The following HS6ST3 variants were observed in gnomAD, a reference collection of about 807,000 sequenced individuals.
HS6ST3 encodes heparan-sulfate 6-O-sulfotransferase 3.
In HS6ST3, 12 loss-of-function variants were observed where a neutral mutation model predicts 36.7. The ratio of observed to expected loss-of-function variants is 0.33; its 90% confidence interval spans 0.21 to 0.53. The LOEUF (loss-of-function observed/expected upper bound fraction) is 0.53. HS6ST3 is among the 20% of genes least tolerant of loss of function. The pLI, the probability that HS6ST3 is intolerant of heterozygous loss-of-function variation, is 0.95. For missense variants in HS6ST3, 584 were observed against 640.9 expected (o/e 0.91, Z 0.96); for synonymous variants, 240 against 257.5 (o/e 0.93, Z 0.65).
At chr13:96,356,062 A>G (rs1190897262) in intron 1 of HS6ST3, among the ~76,000 whole-genome samples, 1 of 152,204 alleles carries the variant, frequency 6.6e-6, no homozygotes, top group Non-Finnish European at 1.5e-5. Flanking sequence ...CAATTCAGCC[A>G]CATATTCAGG....
intron 1 of HS6ST3, among the ~76,000 whole-genome samples, chr13:96,502,995 G>A (rs2138914263): frequency 6.6e-6 from 1 of 152,266 alleles, no homozygotes; most frequent in Middle Eastern, 3.4e-3. Context: ...TACAACTGGA[G>A]TGTAACTTCA....
chr13:96,171,894 C>T (rs2054189375), intron 1 of HS6ST3, among the ~76,000 whole-genome samples: 1 of 151,982 alleles, frequency 6.6e-6, no homozygotes, highest in African/African-American at 2.4e-5. Flanking sequence ...ACCTCGTGTT[C>T]TAATAATTAT....
At chr13:96,485,476 A>G (rs74106477) in intron 1 of HS6ST3, among the ~76,000 whole-genome samples, 4,909 of 152,120 alleles carry the variant, frequency 0.032, 259 homozygotes, top group African/African-American at 0.11. Flanking sequence ...GTTTCAGGAG[A>G]TTTTTGTTAA....
chr13:96,269,076 C>A (rs2054706995), intron 1 of HS6ST3, among the ~76,000 whole-genome samples: 1 of 151,910 alleles, frequency 6.6e-6, no homozygotes, highest in African/African-American at 2.4e-5. Context: ...AGTGCTCTTA[C>A]AATTTATAAT....
intron 1 of HS6ST3, among the ~76,000 whole-genome samples, chr13:96,588,343 T>C (rs1181013640): frequency 6.6e-6 from 1 of 152,202 alleles, no homozygotes; most frequent in African/African-American, 2.4e-5. Context: ...AGTGTTCCTA[T>C]TGAGTATAAT....
intron 1 of HS6ST3, among the ~76,000 whole-genome samples, chr13:96,125,784 T>A (rs1318614177): frequency 7.3e-5 from 11 of 151,676 alleles, no homozygotes; most frequent in Non-Finnish European, 1.6e-4. Context: ...TTTTTATTTT[T>A]TTATTATTAT....
At position 96,090,750 on chromosome 13, in the gene HS6ST3, G is replaced by T; in HGVS notation, c.-113G>T. The T allele has an allele frequency of 1.2e-6, 1 of 816,996 alleles. No individual in the cohort carries two copies. The highest frequency in any genetic ancestry group is 1.6e-6 in the Non-Finnish European group (1 of 611,420). The allele number at this position is 816,996 out of a possible 1,614,324, so 50.6% of individuals were successfully genotyped here. A position where few individuals can be genotyped will look rare whatever the true frequency, so the allele number is the denominator to read the frequency against. On this transcript the variant is annotated 5_prime_UTR_variant, in exon 1 of 2. The change creates a new upstream start codon in the 5' untranslated region. Coordinates refer to ENST00000376705, the MANE Select transcript of HS6ST3 (RefSeq NM_153456.4). Reference sequence around the variant, plus strand: ...CACGCCTCGGCGTCAGGGGCATGGAGGAACGGCGGGCTCCGAGCCGCGCCC... The same window carrying T: ...CACGCCTCGGCGTCAGGGGCATGGATGAACGGCGGGCTCCGAGCCGCGCCC...
intron 1 of HS6ST3, among the ~76,000 whole-genome samples, chr13:96,555,040 G>A (rs1446749587): frequency 3.3e-5 from 5 of 151,920 alleles, no homozygotes; most frequent in African/African-American, 1.2e-4. Flanking sequence ...TGGTCATGCC[G>A]CTGCACTCCA....
At chr13:96,569,779 T>A (rs2056294559) in intron 1 of HS6ST3, among the ~76,000 whole-genome samples, 2 of 152,150 alleles carry the variant, frequency 1.3e-5, no homozygotes, top group South Asian at 4.1e-4. Flanking sequence ...GAATGTGGGG[T>A]GCAGAAAAAT....
At chr13:96,657,887 C>T (rs2056631194) in intron 1 of HS6ST3, among the ~76,000 whole-genome samples, 1 of 152,144 alleles carries the variant, frequency 6.6e-6, no homozygotes, top group African/African-American at 2.4e-5. Flanking sequence ...AGTCAGGCTT[C>T]AGTCCTCCCA....
chr13:96,585,201 ATACTT>A (rs1382315247), intron 1 of HS6ST3, among the ~76,000 whole-genome samples: 1 of 152,186 alleles, frequency 6.6e-6, no homozygotes, highest in Non-Finnish European at 1.5e-5. Flanking sequence ...TTTCTGGACT[ATACTT>A]GGCACTATTA....
intron 1 of HS6ST3, among the ~76,000 whole-genome samples, chr13:96,131,471 G>A (rs961980361): frequency 1.1e-4 from 17 of 151,980 alleles, no homozygotes; most frequent in African/African-American, 4.1e-4. Context: ...TACTCATGAC[G>A]TTTTGAAATA....
At position 96,834,103 on chromosome 13, in the gene HS6ST3, G is replaced by C. The variant is rs889319411; in HGVS notation, c.*905G>C. 1 of 152,088 alleles carries C rather than the reference G, an allele frequency of 6.6e-6. No homozygotes were observed. The highest frequency in any genetic ancestry group is 1.5e-5 in the Non-Finnish European group (1 of 68,018). 9.4% of individuals were successfully genotyped at this position (152,088 alleles called of 1,614,324 possible). A position where few individuals can be genotyped will look rare whatever the true frequency, so the allele number is the denominator to read the frequency against. ...GCCACATAACCTTAGATTTTTAAAG[G>C]AATATTTCAGAGTTTAATCTTTTTG... On this transcript the variant is annotated 3_prime_UTR_variant, in exon 2 of 2. Coordinates refer to ENST00000376705, the MANE Select transcript of HS6ST3 (RefSeq NM_153456.4).
intron 1 of HS6ST3, among the ~76,000 whole-genome samples, chr13:96,593,925 T>C (rs1050526302): frequency 6.6e-6 from 1 of 152,032 alleles, no homozygotes; most frequent in African/African-American, 2.4e-5. Context: ...TACTTACTAG[T>C]GAAGTGAGTA....
intron 1 of HS6ST3, among the ~76,000 whole-genome samples, chr13:96,676,598 A>T (rs2138434758): frequency 6.6e-6 from 1 of 152,302 alleles, no homozygotes; most frequent in African/African-American, 2.4e-5. Flanking sequence ...AATGATTCAC[A>T]TTCCATCCCA....
chr13:96,591,160 A>G (rs750414019), intron 1 of HS6ST3, among the ~76,000 whole-genome samples: 5 of 151,920 alleles, frequency 3.3e-5, no homozygotes, highest in Admixed American at 1.3e-4. Flanking sequence ...TTTGCTCAGC[A>G]TAGCTTTGAC....
chr13:96,699,645 G>T (rs1381515983), intron 1 of HS6ST3, among the ~76,000 whole-genome samples: 1 of 152,120 alleles, frequency 6.6e-6, no homozygotes, highest in Non-Finnish European at 1.5e-5. Flanking sequence ...ACTGTTGGTG[G>T]GTCTGTAAAC....
At chr13:96,680,832 T>C (rs2056715979) in intron 1 of HS6ST3, among the ~76,000 whole-genome samples, 5 of 152,206 alleles carry the variant, frequency 3.3e-5, no homozygotes, top group Admixed American at 3.3e-4. Context: ...CCAGGCTTGG[T>C]CAAAAATATT....
intron 1 of HS6ST3, among the ~76,000 whole-genome samples, chr13:96,144,939 T>C (rs1274766191): frequency 3.3e-5 from 5 of 151,220 alleles, no homozygotes; most frequent in Non-Finnish European, 7.4e-5. Context: ...AGAATGATGG[T>C]TTCCAGCTTC....
Sources: gnomAD v4.1 joint callset for allele counts (sites outside exome capture counted in the v4.1 genomes callset) on GRCh38, gnomAD v4.1.1 for gene constraint, MANE v1.5 for transcripts, NCBI Gene and HGNC (gene_info 2026-07-23, HGNC 2026-07-21) for gene names.